BCL11A: variants seen among roughly 807,000 people sequenced by gnomAD.
BCL11A encodes BCL11 transcription factor A.
Under a neutral mutation model 55.9 loss-of-function variants are expected in BCL11A, and 2 were observed. That is an observed-to-expected ratio of 0.04 (90% CI 0.01 to 0.11). The LOEUF (loss-of-function observed/expected upper bound fraction) is 0.11, where lower values mean the gene tolerates loss of function less well. Among genes scored for constraint, BCL11A ranks in the 10% least tolerant of loss-of-function variants. The pLI is 1.00. For missense variants in BCL11A, 817 were observed against 1,137.1 expected, an observed-to-expected ratio of 0.72 and a Z score of 4.05; for synonymous variants, 465 against 473.4, an observed-to-expected ratio of 0.98 and a Z score of 0.23.
chr2:60,537,702 T>C (rs1302796835), intron 2 of BCL11A: 40 of 152,256 alleles, frequency 2.6e-4, no homozygotes, highest in Admixed American at 2.6e-3. Context: ...CATCATTACA[T>C]ATTAAGAAAA....
chr2:60,488,581 C>T (rs1678425426), intron 2 of BCL11A, among the ~76,000 whole-genome samples: 1 of 152,182 alleles, frequency 6.6e-6, no homozygotes, highest in Non-Finnish European at 1.5e-5. Context: ...AAATAGTTTG[C>T]TTCCCCCAAT....
At chr2:60,490,706 T>C (rs1678581359) in intron 2 of BCL11A, among the ~76,000 whole-genome samples, 1 of 152,224 alleles carries the variant, frequency 6.6e-6, no homozygotes, top group Non-Finnish European at 1.5e-5. Context: ...AATGAGTTTC[T>C]TCAATACAGG....
At chr2:60,470,790 T>C (rs977906423) in intron 2 of BCL11A, among the ~76,000 whole-genome samples, 1 of 152,174 alleles carries the variant, frequency 6.6e-6, no homozygotes, top group East Asian at 1.9e-4. Context: ...TCTGGCAGCA[T>C]AGTTTGTTTT....
chr2:60,462,334 T>C lies in BCL11A; in HGVS notation c.578A>G (p.His193Arg). The change falls in exon 4 of 4, where the codon CAT (histidine) becomes CGT (arginine). Residue 193 changes from histidine to arginine, a missense_variant. Coordinates refer to ENST00000642384, the MANE Select transcript of BCL11A (RefSeq NM_022893.4). ...WFLLQHAQNT[H>R]GLRIYLESEH... ...GCTTTCTAAGTAGATTCTTAATCCATGAGTGTTCTGTGCGTGTTGCAAGAG... is the reference window on the plus strand; with the variant it reads ...GCTTTCTAAGTAGATTCTTAATCCACGAGTGTTCTGTGCGTGTTGCAAGAG... The C allele has an allele frequency of 6.2e-7, 1 of 1,614,158 alleles. No homozygotes were observed. Among genetic ancestry groups the C allele is most frequent in the Non-Finnish European group, 8.5e-7 (1 of 1,180,014 alleles).
chr2:60,544,125 T>C (rs927666171), intron 2 of BCL11A: 1 of 152,222 alleles, frequency 6.6e-6, no homozygotes, highest in African/African-American at 2.4e-5. Context: ...CTGAATAACC[T>C]ATTTGGGACC....
At chr2:60,496,774 G>GCC in intron 2 of BCL11A, among the ~76,000 whole-genome samples, 1 of 149,338 alleles carries the variant, frequency 6.7e-6, no homozygotes, top group East Asian at 2.0e-4. Flanking sequence ...CACTGTGAGT[G>GCC]CTCTCTCTCT....
chr2:60,535,240 A>T (rs951618179), intron 2 of BCL11A: 7 of 152,246 alleles, frequency 4.6e-5, no homozygotes, highest in Admixed American at 6.5e-5. Flanking sequence ...TATCAGTAAG[A>T]TTCATCCAAA....
chr2:60,452,518 C>T (rs1200029595), downstream of BCL11A: 12 of 1,390,892 alleles, frequency 8.6e-6, no homozygotes, highest in East Asian at 4.6e-5. Flanking sequence ...TGACAGACCA[C>T]GCTGACGTCG....
In BCL11A at chr2:60,553,285, C is replaced by T; in HGVS notation, c.-15G>A. 4.5e-6 allele frequency: 7 copies of T among 1,563,590 alleles called. No homozygotes were observed. The South Asian group carries it at 4.7e-5, about 11-fold the overall frequency. On this transcript the variant is annotated 5_prime_UTR_variant, in exon 1 of 4. Coordinates refer to ENST00000642384, the MANE Select transcript of BCL11A (RefSeq NM_022893.4). ...CGGCGAGACATGGTGGGCTGCGGGGCGGGCGGCGGCGGCGGCGGCGGCGGC... is the reference window on the plus strand; with the variant it reads ...CGGCGAGACATGGTGGGCTGCGGGGTGGGCGGCGGCGGCGGCGGCGGCGGC...
chr2:60,536,625 A>G (rs1395145730), intron 2 of BCL11A: 1 of 152,214 alleles, frequency 6.6e-6, no homozygotes, highest in Non-Finnish European at 1.5e-5. Flanking sequence ...ATGGGACTTG[A>G]AGGCCAAATT....
In BCL11A at chr2:60,462,032, G is replaced by T; in HGVS notation, c.880C>A (p.Pro294Thr). The change falls in exon 4 of 4, where the codon CCG (proline) becomes ACG (threonine). Residue 294 changes from proline to threonine, a missense_variant. Physicochemically the swap from Pro to Thr is conservative, Grantham distance 38. Around this residue, in one of 4 missense-constraint regions of BCL11A, gnomAD observed 363 missense variants for 486.6 expected, o/e 0.75. Coordinates refer to ENST00000642384, the MANE Select transcript of BCL11A (RefSeq NM_022893.4). ...CGCAGCACCCTGTCAAAGGCACTCG[G>T]GTGATGGGTGGCCAGGGCCATCTCT... ...AEEMALATHH[P>T]SAFDRVLRLN... 1 of 1,610,080 alleles carries T rather than the reference G, an allele frequency of 6.2e-7. No individual in the cohort carries two copies. Among genetic ancestry groups the T allele is most frequent in the East Asian group, 2.2e-5 (1 of 44,844 alleles).
intron 2 of BCL11A, among the ~76,000 whole-genome samples, chr2:60,475,660 G>A (rs1677552810): frequency 1.3e-5 from 2 of 152,242 alleles, no homozygotes; most frequent in South Asian, 4.1e-4. Context: ...CAAAGCCATG[G>A]GGAGGATAGG....
chr2:60,542,180 A>C (rs983366720), intron 2 of BCL11A: 19 of 307,144 alleles, frequency 6.2e-5, no homozygotes, highest in Non-Finnish European at 1.0e-4. Context: ...AATGTTATAT[A>C]TCAACAGGAG....
At position 60,467,690 on chromosome 2, in the gene BCL11A, G is replaced by A. The variant is rs370162861; in HGVS notation, c.487+1042C>T. 1.2e-3 allele frequency among the ~76,000 whole-genome samples: 84 copies of A among 68,266 alleles called. 9 individuals carry two copies. The highest frequency in any genetic ancestry group is 4.4e-3 in the African/African-American group (70 of 15,920). The allele number at this position is 68,266 out of a possible 152,430, so 44.8% of individuals were successfully genotyped here. On this transcript the variant is annotated intron_variant, in intron 3 of 3. Transcript: ENST00000642384. ...ACTGGTGGTGATGGTGATGGTGGTG[G>A]TGGTGGTGATGGTACTGGTGGTGAT...
At chr2:60,548,137 T>C (rs1180764680) in intron 1 of BCL11A, among the ~76,000 whole-genome samples, 1 of 152,208 alleles carries the variant, frequency 6.6e-6, no homozygotes, top group Non-Finnish European at 1.5e-5. Context: ...AGGGAACTCA[T>C]TCTCAAAATA....
At chr2:60,532,273 T>C (rs1573070752) in intron 2 of BCL11A, among the ~76,000 whole-genome samples, 1 of 152,258 alleles carries the variant, frequency 6.6e-6, no homozygotes, top group East Asian at 1.9e-4. Flanking sequence ...TGGTGGTCTA[T>C]TAATAGTTTG....
chr2:60,512,647 T>G (rs1668529322), intron 2 of BCL11A, among the ~76,000 whole-genome samples: 1 of 152,216 alleles, frequency 6.6e-6, no homozygotes, highest in African/African-American at 2.4e-5. Flanking sequence ...TAAAGAAAAC[T>G]GAAGCCCCCA....
exon 5 of BCL11A, chr2:60,451,224 G>T (rs1043646721): frequency 9.1e-6 from 2 of 219,020 alleles, no homozygotes; most frequent in Non-Finnish European, 1.8e-5. Flanking sequence ...CAATTATTTG[G>T]CTATCTTTTC....
chr2:60,460,956 C>A lies in BCL11A; in HGVS notation c.1956G>T (p.Thr652=). Residue 652 remains threonine, a synonymous_variant, in exon 4 of 4, where the codon ACG becomes ACT. Transcript: ENST00000642384. ...FDLPPAAMPN[T]ENVYSQWLAG... is the part of the protein sequence containing the mutation. ...CGAGCCACTGCGAGTACACGTTCTC[C>A]GTGTTGGGCATCGCGGCCGGGGGCA... The A allele has an allele frequency of 2.5e-6, 4 of 1,611,866 alleles. No homozygotes were observed. The highest frequency in any genetic ancestry group is 3.4e-6 in the Non-Finnish European group (4 of 1,178,954).
Sources: allele counts gnomAD v4.1 joint callset (sites outside exome capture counted in the v4.1 genomes callset), GRCh38; gene constraint gnomAD v4.1.1; regional missense constraint gnomAD v4.1.1; transcripts MANE v1.5; gene names NCBI Gene and HGNC (gene_info 2026-07-23, HGNC 2026-07-21).